CADPS2: variants seen among roughly 807,000 people sequenced by gnomAD.
CADPS2 encodes the protein calcium-dependent secretion activator 2.
In CADPS2, 93 loss-of-function variants were observed where a neutral mutation model predicts 172.5. The observed-to-expected ratio is 0.54, with a 90% CI of 0.46 to 0.64. The LOEUF (loss-of-function observed/expected upper bound fraction) is 0.64, where lower values mean the gene tolerates loss of function less well. CADPS2 is among the 30% of genes least tolerant of loss of function. The pLI is 0.00. For missense variants in CADPS2, 1,420 were observed against 1,565.9 expected, an observed-to-expected ratio of 0.91 and a Z score of 1.57; for synonymous variants, 546 against 555.2, an observed-to-expected ratio of 0.98 and a Z score of 0.23.
chr7:122,821,210 C>T (rs1045083916), intron 1 of CADPS2, among the ~76,000 whole-genome samples: 4 of 152,066 alleles, frequency 2.6e-5, no homozygotes, highest in Non-Finnish European at 5.9e-5. Flanking sequence ...TCCTGTTCCT[C>T]ACCCTGATCA....
chr7:122,718,112 T>C (rs903383364), intron 2 of CADPS2, among the ~76,000 whole-genome samples: 1 of 148,418 alleles, frequency 6.7e-6, no homozygotes, highest in African/African-American at 2.5e-5. Context: ...ATTACAGGCA[T>C]GAGCCACCAC....
intron 27 of CADPS2, among the ~76,000 whole-genome samples, chr7:122,356,507 T>A (rs59557479): frequency 0.14 from 21,397 of 152,074 alleles, 1,535 homozygotes; most frequent in Non-Finnish European, 0.15. Context: ...CTTCCTTTGC[T>A]TATTGTACTC....
At chr7:122,834,644 CG>C in intron 1 of CADPS2, among the ~76,000 whole-genome samples, 1 of 152,332 alleles carries the variant, frequency 6.6e-6, no homozygotes, top group South Asian at 2.1e-4. Flanking sequence ...TTATATACGG[CG>C]CCTGGCTTGG....
At chr7:122,332,532 T>C (rs187157677) in intron 28 of CADPS2, among the ~76,000 whole-genome samples, 21 of 152,294 alleles carry the variant, frequency 1.4e-4, no homozygotes, top group African/African-American at 4.6e-4. Flanking sequence ...GTATCATGTC[T>C]ATTAAGGAAT....
intron 8 of CADPS2, among the ~76,000 whole-genome samples, chr7:122,534,371 C>G (rs180987343): frequency 1.6e-3 from 242 of 152,132 alleles, no homozygotes; most frequent in Middle Eastern, 3.4e-3. Context: ...AACATAGTCT[C>G]TAAGTGATAT....
chr7:122,593,020 G>A (rs1007080986), intron 6 of CADPS2, among the ~76,000 whole-genome samples: 5 of 128,778 alleles, frequency 3.9e-5, no homozygotes, highest in African/African-American at 1.6e-4. Flanking sequence ...ATAAATAAAT[G>A]TATTTGAAAT....
intron 2 of CADPS2, chr7:122,698,323 G>T (rs1220540560): frequency 1.9e-6 from 3 of 1,613,886 alleles, no homozygotes; most frequent in Non-Finnish European, 2.5e-6. Context: ...TAAGGTAGCA[G>T]TTGTGACAAT....
intron 24 of CADPS2, among the ~76,000 whole-genome samples, chr7:122,386,762 G>A (rs931694259): frequency 1.3e-5 from 2 of 152,070 alleles, no homozygotes; most frequent in African/African-American, 4.8e-5. Flanking sequence ...CAAGGTTTAT[G>A]TAAATGACAC....
chr7:122,447,543 ATTTTTT>A (rs1159112244), intron 15 of CADPS2, among the ~76,000 whole-genome samples: 1,608 of 89,788 alleles, frequency 0.018, 144 homozygotes, highest in African/African-American at 0.055. Flanking sequence ...GTTTCGGGGA[ATTTTTT>A]TTTTTTTTTT....
intron 5 of CADPS2, among the ~76,000 whole-genome samples, chr7:122,621,254 TA>T (rs958189857): frequency 1.3e-5 from 2 of 152,170 alleles, no homozygotes; most frequent in Non-Finnish European, 2.9e-5. Flanking sequence ...AGACTTGCCT[TA>T]AAACTTCTAT....
chr7:122,420,863 T>C (rs1391548966), intron 17 of CADPS2: 1 of 152,240 alleles, frequency 6.6e-6, no homozygotes. Flanking sequence ...TTGAAACAAT[T>C]CATTTTTAAT....
chr7:122,393,287 C>T lies in CADPS2; in HGVS notation c.2917G>A (p.Ala973Thr). 2.5e-6 allele frequency: 4 copies of T among 1,613,838 alleles called. No homozygotes were observed. The highest frequency in any genetic ancestry group is 3.4e-6 in the Non-Finnish European group (4 of 1,179,806). ...KNIANSLPNV[A>T]LPKVPSLPLN... is the part of the protein sequence containing the mutation. ...GGCAGACTTGGAACTTTTGGAAGAG[C>T]TACATTGGGAAGACTGTTGGCGATA... is the stretch of plus-strand genomic sequence containing the variant. The change falls in exon 22 of 30, where the codon GCT (alanine) becomes ACT (threonine). Residue 973 changes from alanine to threonine, a missense_variant. By Grantham distance (58) the Ala-to-Thr change is moderately conservative. Transcript: ENST00000449022.
chr7:122,575,777 C>T (rs1198760112), intron 7 of CADPS2, among the ~76,000 whole-genome samples: 1 of 152,096 alleles, frequency 6.6e-6, no homozygotes, highest in African/African-American at 2.4e-5. Flanking sequence ...TGAGGCATTT[C>T]ATAAAATATT....
At chr7:122,841,490 C>G (rs1207927530) in intron 1 of CADPS2, among the ~76,000 whole-genome samples, 2 of 152,064 alleles carry the variant, frequency 1.3e-5, no homozygotes, top group African/African-American at 4.8e-5. Context: ...AAACCTATAC[C>G]TTACTGTATA....
At chr7:122,530,466 T>A (rs1285868058) in intron 8 of CADPS2, among the ~76,000 whole-genome samples, 2 of 152,078 alleles carry the variant, frequency 1.3e-5, no homozygotes, top group Non-Finnish European at 2.9e-5. Flanking sequence ...GTTGTTAAAA[T>A]AACTATCCCC....
rs191266452 is a variant in CADPS2, at chr7:122,822,900, T to A, written c.339+63099A>T. Among the ~76,000 whole-genome samples, 23 of 151,640 alleles carry A rather than the reference T, an allele frequency of 1.5e-4. No homozygotes were observed. In the East Asian group the frequency reaches 4.3e-3, roughly 28 times the overall value. ...CCCACCCCTATCTCCCTTCGCTGAC[T>A]CTCTTTTCGGACTCACCCCGCCTGC... On this transcript the variant is annotated intron_variant, in intron 1 of 29. Transcript: ENST00000449022.
intron 7 of CADPS2, 35 bp from the exon 8 acceptor site, chr7:122,554,724 G>T: frequency 6.5e-7 from 1 of 1,545,048 alleles, no homozygotes; most frequent in South Asian, 1.2e-5. Flanking sequence ...TTAAACGCAT[G>T]ATACGGAGTG....
intron 1 of CADPS2, among the ~76,000 whole-genome samples, chr7:122,814,361 A>G (rs576794148): frequency 1.3e-5 from 2 of 152,064 alleles, no homozygotes; most frequent in Non-Finnish European, 2.9e-5. Context: ...CATCAAATGG[A>G]TTACTCAGAG....
intron 1 of CADPS2, among the ~76,000 whole-genome samples, chr7:122,828,413 A>G (rs138967459): frequency 3.3e-5 from 5 of 151,920 alleles, no homozygotes; most frequent in African/African-American, 1.2e-4. Context: ...TAAGATAATT[A>G]TTGAGATGTT....
Sources: allele counts gnomAD v4.1 joint callset (sites outside exome capture counted in the v4.1 genomes callset), GRCh38; gene constraint gnomAD v4.1.1; transcripts MANE v1.5; gene names NCBI Gene and HGNC (gene_info 2026-07-23, HGNC 2026-07-21).